USP10: variants seen among roughly 807,000 people sequenced by gnomAD.
The protein encoded by USP10 is ubiquitin carboxyl-terminal hydrolase 10.
USP10 carries 22 observed loss-of-function variants against 84.5 expected under a neutral mutation model. That is an observed-to-expected ratio of 0.26 (90% confidence interval 0.19 to 0.37). The LOEUF (loss-of-function observed/expected upper bound fraction) is 0.37, where lower values mean the gene tolerates loss of function less well. Among genes scored for constraint, USP10 ranks in the 10% least tolerant of loss-of-function variants. The probability of loss-of-function intolerance (pLI) is 1.00; values close to 1 mark genes in which losing one functional copy is unlikely to be tolerated. For missense variants in USP10, 1,019 were observed against 998.9 expected (o/e 1.02, Z -0.27); for synonymous variants, 454 against 387.6 (o/e 1.17, Z -2.01).
At chr16:84,715,382 T>C (rs1159784175) in intron 1 of USP10, among the ~76,000 whole-genome samples, 1 of 152,194 alleles carries the variant, frequency 6.6e-6, no homozygotes, top group Non-Finnish European at 1.5e-5. Flanking sequence ...CGTTACAAGA[T>C]GTGTAATTAA....
chr16:84,764,939 A>AAAAAATATATAT lies in USP10; in HGVS notation c.1832+677_1832+678insAAAATATATATA, dbSNP rs370383030. Among the ~76,000 whole-genome samples the AAAAAATATATAT allele has an allele frequency of 1.9e-3, 248 of 132,252 alleles. 1 individual carries two copies. Among genetic ancestry groups the AAAAAATATATAT allele is most frequent in the Admixed American group, 3.3e-3 (41 of 12,570 alleles). 86.8% of individuals were successfully genotyped at this position (132,252 alleles called of 152,430 possible). On this transcript the variant is annotated intron_variant, in intron 10 of 13. Transcript: ENST00000219473. ...TAACCACGAGAGAGAGAGAAAAAAA[A>AAAAAATATATAT]ATATATATATATATATTAGACTTCA...
At chr16:84,769,135 A>G (rs568725184) in intron 11 of USP10, among the ~76,000 whole-genome samples, 2 of 152,360 alleles carry the variant, frequency 1.3e-5, no homozygotes, top group South Asian at 2.1e-4. Flanking sequence ...TGGACGGTCC[A>G]TAGCATTCCT....
intron 10 of USP10, among the ~76,000 whole-genome samples, chr16:84,767,378 G>A (rs1913978729): frequency 6.6e-6 from 1 of 152,196 alleles, no homozygotes; most frequent in Non-Finnish European, 1.5e-5. Context: ...AGAAAACAAG[G>A]TCAAATTGGC....
At chr16:84,726,523 A>G (rs772547998) in intron 1 of USP10, among the ~76,000 whole-genome samples, 3 of 152,372 alleles carry the variant, frequency 2.0e-5, no homozygotes, top group East Asian at 3.9e-4. Context: ...AAACTGAGCC[A>G]GCTTAGCCAA....
At chr16:84,738,522 C>G (rs956331146) in intron 2 of USP10, among the ~76,000 whole-genome samples, 3 of 152,194 alleles carry the variant, frequency 2.0e-5, no homozygotes, top group Non-Finnish European at 4.4e-5. Context: ...ACCCACCTCT[C>G]TGCTCCAGGT....
chr16:84,730,641 G>C (rs1295951971), intron 1 of USP10, among the ~76,000 whole-genome samples: 1 of 152,110 alleles, frequency 6.6e-6, no homozygotes, highest in Non-Finnish European at 1.5e-5. Flanking sequence ...GTGTGTTAGT[G>C]GCTTGGAATC....
At chr16:84,702,786 G>A (rs928811632) in intron 1 of USP10, among the ~76,000 whole-genome samples, 1 of 151,794 alleles carries the variant, frequency 6.6e-6, no homozygotes, top group Non-Finnish European at 1.5e-5. Context: ...TGAGGTCAGG[G>A]GTTCGAGATC....
intron 1 of USP10, among the ~76,000 whole-genome samples, chr16:84,710,356 T>TC (rs2150760582): frequency 6.6e-6 from 1 of 152,184 alleles, no homozygotes; most frequent in East Asian, 1.9e-4. Context: ...GGGATTTGAT[T>TC]CTTTAGGCTC....
At chr16:84,746,332 T>G (rs1054270653) in intron 4 of USP10, among the ~76,000 whole-genome samples, 1 of 152,228 alleles carries the variant, frequency 6.6e-6, no homozygotes, top group African/African-American at 2.4e-5. Context: ...GAAAGAGGTA[T>G]GTGTCCTCAC....
rs368734787 is a variant in USP10, at chr16:84,774,472, GT to G, written c.2144-678del. Reference sequence around the variant, plus strand: ...TGTTCTGTAACTGAAGTTTTGTTTTGTTTTTTTTTTGTTTGTTTGTTTTTTT... The same window carrying G: ...TGTTCTGTAACTGAAGTTTTGTTTTGTTTTTTTTTGTTTGTTTGTTTTTTT... On this transcript the variant is annotated intron_variant, in intron 12 of 13. Coordinates refer to ENST00000219473, the MANE Select transcript of USP10 (RefSeq NM_005153.3). 5.4e-3 allele frequency among the ~76,000 whole-genome samples: 635 copies of G among 117,966 alleles called. 7 individuals carry two copies. Among genetic ancestry groups the G allele is most frequent in the African/African-American group, 0.019 (579 of 31,102 alleles). 77.4% of individuals were successfully genotyped at this position (117,966 alleles called of 152,430 possible).
rs180717897 is a variant in USP10 at position 84,771,831 on chromosome 16, G to A, written c.1999-710G>A. Among the ~76,000 whole-genome samples, 15 of 152,264 alleles carry A rather than the reference G, an allele frequency of 9.9e-5. No individual in the cohort carries two copies. The East Asian group carries it at 2.9e-3, about 29-fold the overall frequency. On this transcript the variant is annotated intron_variant, in intron 11 of 13. Coordinates refer to ENST00000219473, the MANE Select transcript of USP10 (RefSeq NM_005153.3). ...TGCAGTGAGCGCAGATCGTACCACTGTACTCCAGCCTGGGCGACAGAGTGA... is the reference window on the plus strand; with the variant it reads ...TGCAGTGAGCGCAGATCGTACCACTATACTCCAGCCTGGGCGACAGAGTGA...
chr16:84,773,019 T>A lies in USP10; in HGVS notation c.2143+334T>A, dbSNP rs139306309. 4.6e-3 allele frequency among the ~76,000 whole-genome samples: 707 copies of A among 152,332 alleles called. 11 individuals carry two copies. The highest frequency in any genetic ancestry group is 0.016 in the African/African-American group (672 of 41,578). On this transcript the variant is annotated intron_variant, in intron 12 of 13. Transcript: ENST00000219473. The stretch of plus-strand genomic sequence containing the variant: ...TTCCACCGAGTATTAACAGCTGTGT[T>A]GACTAGCCCAGTTAAGTGGTTTTTA...
At chr16:84,727,665 C>T (rs780161426) in intron 1 of USP10, among the ~76,000 whole-genome samples, 1 of 152,206 alleles carries the variant, frequency 6.6e-6, no homozygotes, top group South Asian at 2.1e-4. Flanking sequence ...CATACGGATA[C>T]ACATACAGAC....
chr16:84,778,949 T>G lies in USP10; in HGVS notation c.2264T>G (p.Phe755Cys). The G allele has an allele frequency of 6.2e-7, 1 of 1,613,992 alleles. No homozygotes were observed. Among genetic ancestry groups the G allele is most frequent in the Non-Finnish European group, 8.5e-7 (1 of 1,179,890 alleles). ...ATGGHYTTDV[F>C]QIGLNGWLRI... is the part of the protein sequence containing the mutation. ...GGCGGCCATTACACTACAGACGTCT[T>G]CCAGATCGGTCTGAATGGCTGGCTG... The change falls in exon 14 of 14, where the codon TTC becomes TGC. Residue 755 changes from phenylalanine (F) to cysteine (C), a missense_variant. Phe to Cys is a radical substitution (Grantham distance 205). This residue lies in a region of USP10 where 232 missense variants were observed against 290.1 expected (regional missense o/e 0.80). Transcript: ENST00000219473.
At chr16:84,743,544 T>C (rs968929687) in intron 3 of USP10, among the ~76,000 whole-genome samples, 5 of 152,168 alleles carry the variant, frequency 3.3e-5, no homozygotes, top group Admixed American at 6.5e-5. Flanking sequence ...TTTCTTAAGA[T>C]AGATGCCTTG....
intron 1 of USP10, among the ~76,000 whole-genome samples, chr16:84,710,125 C>T (rs370575743): frequency 1.3e-5 from 2 of 152,082 alleles, no homozygotes; most frequent in Admixed American, 1.3e-4. Context: ...CAAAAATTAG[C>T]CGGGCGTGGT....
chr16:84,744,601 G>A, intron 3 of USP10, 32 bp from the exon 4 acceptor site: 2 of 1,542,936 alleles, frequency 1.3e-6, no homozygotes, highest in Non-Finnish European at 1.7e-6. Context: ...TGTAGAACTG[G>A]GTTCTTAACT....
intron 4 of USP10, among the ~76,000 whole-genome samples, chr16:84,756,465 C>G (rs1420928716): frequency 2.0e-5 from 3 of 152,038 alleles, no homozygotes; most frequent in African/African-American, 7.3e-5. Context: ...TGGTGGTGCA[C>G]GTCTGTAATC....
chr16:84,770,909 T>A (rs1489638920), intron 11 of USP10, among the ~76,000 whole-genome samples: 2 of 150,934 alleles, frequency 1.3e-5, no homozygotes, highest in African/African-American at 4.9e-5. Flanking sequence ...CTACTAAAAA[T>A]ACAAAAATTA....
Sources: gnomAD v4.1 joint callset for allele counts (sites outside exome capture counted in the v4.1 genomes callset) on GRCh38, gnomAD v4.1.1 for gene constraint, gnomAD v4.1.1 regional missense constraint, MANE v1.5 for transcripts, NCBI Gene and HGNC (gene_info 2026-07-23, HGNC 2026-07-21) for gene names.